PNRC1: variants seen among roughly 807,000 people sequenced by gnomAD.
PNRC1 encodes proline rich nuclear receptor coactivator 1.
A neutral mutation model predicts 20.2 loss-of-function variants in PNRC1; 6 were observed. The observed-to-expected ratio is 0.30, with a 90% CI of 0.16 to 0.59. The LOEUF is 0.59. Ranked by LOEUF, PNRC1 falls within the 20% of genes least tolerant of loss-of-function variation. The probability of loss-of-function intolerance (pLI) is 0.89; values close to 1 mark genes in which losing one functional copy is unlikely to be tolerated. For missense variants in PNRC1, 488 were observed against 430.2 expected, an observed-to-expected ratio of 1.13 and a Z score of -1.19; for synonymous variants, 202 against 186.9, an observed-to-expected ratio of 1.08 and a Z score of -0.66.
intron 1 of PNRC1, among the ~76,000 whole-genome samples, chr6:89,082,893 A>G (rs1768032752): frequency 6.6e-6 from 1 of 152,154 alleles, no homozygotes; most frequent in East Asian, 1.9e-4. Flanking sequence ...TTAGTTTGAC[A>G]TTTTAGAACT....
At position 89,083,802 on chromosome 6, in the gene PNRC1, G is replaced by A; in HGVS notation, c.590G>A (p.Gly197Asp). Residue 197 changes from glycine to aspartate, a missense_variant, in exon 2 of 2, where the codon GGC becomes GAC. Coordinates refer to ENST00000336032, the MANE Select transcript of PNRC1 (RefSeq NM_006813.3). ...TCGGAGAAAATTGCCCTTCCCCATG[G>A]CCAGCTTGTTCATGGTATACACTTG... Reference protein sequence around the residue: ...GKSEKIALPHGQLVHGIHLYE... With the variant: ...GKSEKIALPHDQLVHGIHLYE... 2 of 1,600,832 alleles carry A rather than the reference G, an allele frequency of 1.2e-6. No individual in the cohort carries two copies. Among genetic ancestry groups the A allele is most frequent in the Non-Finnish European group, 1.7e-6 (2 of 1,175,748 alleles).
At chr6:89,083,456 C>T (rs1011188260) in intron 1 of PNRC1, among the ~76,000 whole-genome samples, 1 of 152,200 alleles carries the variant, frequency 6.6e-6, no homozygotes, top group African/African-American at 2.4e-5. Context: ...CTCAACCCCC[C>T]TTCTAGTAGT....
chr6:89,080,751 G>A lies in PNRC1; in HGVS notation c.-144G>A. 6 of 769,870 alleles carry A rather than the reference G, an allele frequency of 7.8e-6. No homozygotes were observed. The South Asian group carries it at 9.3e-5, about 12-fold the overall frequency. 47.7% of individuals were successfully genotyped at this position (769,870 alleles called of 1,614,324 possible). A position where few individuals can be genotyped will look rare whatever the true frequency, so the allele number is the denominator to read the frequency against. ...CTCGGAGCTGGGGCTGTGGCTATTT[G>A]TTGCTGCGCCGCCACCGCCCGAGTC... On this transcript the variant is annotated 5_prime_UTR_variant, in exon 1 of 2. Coordinates refer to ENST00000336032, the MANE Select transcript of PNRC1 (RefSeq NM_006813.3).
chr6:89,080,826 C>T lies in PNRC1; in HGVS notation c.-69C>T. ...TCCTAGCAGCATCCATCGCCGCCAC[C>T]CTATCTTCACTGGCTTCATTCACCT... On this transcript the variant is annotated 5_prime_UTR_variant, in exon 1 of 2. Transcript: ENST00000336032. 2 of 1,440,928 alleles carry T rather than the reference C, an allele frequency of 1.4e-6. No individual in the cohort carries two copies. The highest frequency in any genetic ancestry group is 1.9e-6 in the Non-Finnish European group (2 of 1,068,356). The allele number at this position is 1,440,928 out of a possible 1,614,324, so 89.3% of individuals were successfully genotyped here.
intron 1 of PNRC1, among the ~76,000 whole-genome samples, chr6:89,083,328 TC>T (rs1329053846): frequency 1.3e-5 from 2 of 152,216 alleles, no homozygotes; most frequent in Non-Finnish European, 2.9e-5. Context: ...TTATTTTAGA[TC>T]AAGGAGGTAC....
Position 89,081,093 on chromosome 6 carries a change from T to G in PNRC1, c.199T>G (p.Cys67Gly). The change falls in exon 1 of 2, where the codon TGT becomes GGT. Residue 67 changes from cysteine (C) to glycine (G), a missense_variant. Cys to Gly is a radical substitution (Grantham distance 159, BLOSUM62 -3). Transcript: ENST00000336032. ...TCATTTCCTAGGGGGAGATGGCCCG[T>G]GTCTGACCCCCCAGCCTCGCGCTCC... The part of the protein sequence containing the change: ...LPHFLGGDGP[C>G]LTPQPRAPAA... 1 of 1,609,730 alleles carries G rather than the reference T, an allele frequency of 6.2e-7. No individual in the cohort carries two copies.
intron 1 of PNRC1, among the ~76,000 whole-genome samples, chr6:89,083,183 G>A (rs1031639557): frequency 6.6e-6 from 1 of 152,128 alleles, no homozygotes; most frequent in Admixed American, 6.5e-5. Flanking sequence ...TAGTAGACAT[G>A]GGGTTTCGCT....
rs1426593433 is a variant in PNRC1 at position 89,083,926 on chromosome 6, T to G, written c.714T>G (p.Asp238Glu). Residue 238 changes from aspartate (D) to glutamate (E), a missense_variant, in exon 2 of 2, where the codon GAT becomes GAG. By Grantham distance (45) the Asp-to-Glu change is conservative. Coordinates refer to ENST00000336032, the MANE Select transcript of PNRC1 (RefSeq NM_006813.3). ...AKRNENNFWQ[D>E]SVSSDRIQKQ... ...GAAATGAAAACAACTTTTGGCAGGA[T>G]TCTGTTTCATCTGACAGAATTCAGA... 1.2e-6 allele frequency: 2 copies of G among 1,614,034 alleles called. No individual in the cohort carries two copies. Among genetic ancestry groups the G allele is most frequent in the Non-Finnish European group, 1.7e-6 (2 of 1,180,024 alleles).
At chr6:89,082,786 A>C (rs1411669970) in intron 1 of PNRC1, 1 of 152,282 alleles carries the variant, frequency 6.6e-6, no homozygotes, top group East Asian at 1.9e-4. Context: ...AAGGAGGTAC[A>C]CAGCAAAGAT....
Position 89,083,984 on chromosome 6 carries a change from A to T in PNRC1, c.772A>T (p.Asn258Tyr). ...QEKKPFKNTE[N>Y]IKNSHLKKSA... ...AAAAAAGCCTTTTAAAAATACCGAG[A>T]ACATTAAAAATTCGCATTTGAAGAA... is the stretch of plus-strand genomic sequence containing the variant. Residue 258 changes from asparagine to tyrosine, a missense_variant, in exon 2 of 2, where the codon AAC (asparagine) becomes TAC (tyrosine). Asn to Tyr is a moderately radical substitution (Grantham distance 143). Transcript: ENST00000336032. The T allele has an allele frequency of 6.2e-7, 1 of 1,614,006 alleles. No homozygotes were observed. Among genetic ancestry groups the T allele is most frequent in the Non-Finnish European group, 8.5e-7 (1 of 1,179,968 alleles).
In PNRC1 at chr6:89,084,888, TAGG is replaced by T. The variant is rs1322682870; in HGVS notation, c.*695_*697del. On this transcript the variant is annotated 3_prime_UTR_variant, in exon 2 of 2. Coordinates refer to ENST00000336032, the MANE Select transcript of PNRC1 (RefSeq NM_006813.3). ...TGTTTCTCATGTTTGAATGTGTGACTAGGAGATGATTTTGTGTGGTTGGATTTT... is the reference window on the plus strand; with the variant it reads ...TGTTTCTCATGTTTGAATGTGTGACTAGATGATTTTGTGTGGTTGGATTTT... 6.6e-6 allele frequency: 1 copy of T among 152,314 alleles called. No homozygotes were observed. The highest frequency in any genetic ancestry group is 1.9e-4 in the East Asian group (1 of 5,188). The allele number at this position is 152,314 out of a possible 1,614,324, so 9.4% of individuals were successfully genotyped here.
In PNRC1 at chr6:89,081,152, G is replaced by A; in HGVS notation, c.258G>A (p.Ala86=). Residue 86 remains alanine, a synonymous_variant, in exon 1 of 2, where the codon GCG becomes GCA. Coordinates refer to ENST00000336032, the MANE Select transcript of PNRC1 (RefSeq NM_006813.3). ...AALPNRSLAV[A]GGTPRAAPKK... is the part of the protein sequence containing the mutation. ...TGCCCAACCGCAGCCTCGCCGTGGC[G>A]GGAGGCACTCCTCGGGCAGCGCCGA... is the stretch of plus-strand genomic sequence containing the variant. 6.2e-7 allele frequency: 1 copy of A among 1,602,190 alleles called. No homozygotes were observed. Among genetic ancestry groups the A allele is most frequent in the South Asian group, 1.1e-5 (1 of 90,670 alleles).
Position 89,084,345 on chromosome 6 carries a change from A to G in PNRC1, c.*149A>G, listed in dbSNP as rs1182042571. 1.7e-5 allele frequency: 10 copies of G among 584,796 alleles called. No homozygotes were observed. Among genetic ancestry groups the G allele is most frequent in the African/African-American group, 1.3e-4 (7 of 53,296 alleles). The allele number at this position is 584,796 out of a possible 1,614,324, so 36.2% of individuals were successfully genotyped here. ...AAATTACATACAAACAGCTTGTATT[A>G]TATTTTATATTTTGTAAATACTGTA... On this transcript the variant is annotated 3_prime_UTR_variant, in exon 2 of 2. Coordinates refer to ENST00000336032, the MANE Select transcript of PNRC1 (RefSeq NM_006813.3).
chr6:89,084,264 T>C lies in PNRC1; in HGVS notation c.*68T>C. On this transcript the variant is annotated 3_prime_UTR_variant, in exon 2 of 2. Transcript: ENST00000336032. ...ATCCCTGGACTCTTGAGAAAATTGG[T>C]ACAGAAATGGAAATTTGCCTTGTTG... The C allele has an allele frequency of 8.9e-7, 1 of 1,118,884 alleles. No homozygotes were observed. The highest frequency in any genetic ancestry group is 1.7e-5 in the South Asian group (1 of 58,718). 69.3% of individuals were successfully genotyped at this position (1,118,884 alleles called of 1,614,324 possible).
rs1768044099 is a variant in PNRC1, at chr6:89,083,289, C to T, written c.541-464C>T. Among the ~76,000 whole-genome samples, 4 of 152,282 alleles carry T rather than the reference C, an allele frequency of 2.6e-5. No individual in the cohort carries two copies. The South Asian group carries it at 8.3e-4, about 32-fold the overall frequency. On this transcript the variant is annotated intron_variant, in intron 1 of 1. Transcript: ENST00000336032. ...GGATTACAGGCGTGAGCCACCATGC[C>T]CAATTAAAGTTTTTGTAATTTTCAG... is the stretch of plus-strand genomic sequence containing the variant.
chr6:89,084,182 A>G lies in PNRC1; in HGVS notation c.970A>G (p.Lys324Glu). 4 of 1,577,242 alleles carry G rather than the reference A, an allele frequency of 2.5e-6. No homozygotes were observed. The highest frequency in any genetic ancestry group is 3.4e-6 in the Non-Finnish European group (4 of 1,165,918). ...LMAVHLKTLL[K>E]VQT The stretch of plus-strand genomic sequence containing the variant: ...GGCAGTACACTTAAAAACGCTCCTC[A>G]AAGTTCAAACTTAGATTTCAGATTT... The change falls in exon 2 of 2, where the codon AAA becomes GAA. Residue 324 changes from lysine to glutamate, a missense_variant. Physicochemically the swap from Lys to Glu is moderately conservative, Grantham distance 56. Coordinates refer to ENST00000336032, the MANE Select transcript of PNRC1 (RefSeq NM_006813.3).
At chr6:89,082,220 G>C (rs1322119055) in intron 1 of PNRC1, 2 of 152,246 alleles carry the variant, frequency 1.3e-5, no homozygotes, top group East Asian at 3.8e-4. Context: ...TGATTGCAGT[G>C]CTATTGCATT....
chr6:89,083,694 G>A (rs549487681), intron 1 of PNRC1, 59 bp from the exon 2 acceptor site: 15 of 1,260,512 alleles, frequency 1.2e-5, no homozygotes, highest in Non-Finnish European at 1.5e-5. Flanking sequence ...TGTGATATGA[G>A]GTTCATAACT....
rs1452493441 is a variant in PNRC1, at chr6:89,081,338, C to T, written c.444C>T (p.Ala148=). The T allele has an allele frequency of 4.1e-6, 6 of 1,458,496 alleles. No individual in the cohort carries two copies. Among genetic ancestry groups the T allele is most frequent in the Middle Eastern group, 2.4e-4 (1 of 4,116 alleles). The allele number at this position is 1,458,496 out of a possible 1,614,324, so 90.3% of individuals were successfully genotyped here. A position where few individuals can be genotyped will look rare whatever the true frequency, so the allele number is the denominator to read the frequency against. ...QEVPGPAAAL[A]PSPAAAAGTE... ...TCCCGGGCCCGGCCGCCGCCTTGGC[C>T]CCGAGTCCTGCAGCCGCAGCCGGCA... is the stretch of plus-strand genomic sequence containing the variant. The change falls in exon 1 of 2, where the codon GCC becomes GCT. Residue 148 remains alanine (A), a synonymous_variant. Coordinates refer to ENST00000336032, the MANE Select transcript of PNRC1 (RefSeq NM_006813.3).
Sources: gnomAD v4.1 joint callset for allele counts (sites outside exome capture counted in the v4.1 genomes callset) on GRCh38, gnomAD v4.1.1 for gene constraint, MANE v1.5 for transcripts, NCBI Gene and HGNC (gene_info 2026-07-23, HGNC 2026-07-21) for gene names.